Variants in AGPS observed in about 807,000 individuals in gnomAD.
The protein encoded by AGPS is alkyldihydroxyacetonephosphate synthase, peroxisomal.
AGPS carries 26 observed loss-of-function variants against 90.7 expected under a neutral mutation model. The ratio of observed to expected loss-of-function variants is 0.29; its 90% CI spans 0.21 to 0.40. AGPS has a LOEUF of 0.40. Ranked by LOEUF, AGPS falls within the 10% of genes least tolerant of loss-of-function variation. The pLI is 1.00. For missense variants in AGPS, 540 were observed against 816.1 expected (o/e 0.66, Z 4.12); for synonymous variants, 294 against 285.3 (o/e 1.03, Z -0.31).
Position 177,468,477 on chromosome 2 carries a change from G to A in AGPS, c.1058G>A (p.Arg353His), listed in dbSNP as rs779789989. The A allele has an allele frequency of 5.0e-6, 8 of 1,612,598 alleles. No individual in the cohort carries two copies. Among genetic ancestry groups the A allele is most frequent in the South Asian group, 1.1e-5 (1 of 91,010 alleles). Residue 353 changes from arginine to histidine, a missense_variant, in exon 10 of 20, where the codon CGT becomes CAT. Arg to His is a conservative substitution (Grantham distance 29). This residue lies in a region of AGPS where 405 missense variants were observed against 692.1 expected (regional missense o/e 0.59). Coordinates refer to ENST00000264167, the MANE Select transcript of AGPS (RefSeq NM_003659.4). ...GIIEKSCQGP[R>H]MSTGPDIHHF... ...ATAGAAAAAAGCTGTCAAGGACCTC[G>A]TATGTCAACAGGCCCTGATATCCAT...
intron 2 of AGPS, among the ~76,000 whole-genome samples, chr2:177,433,415 A>AT (rs1280278422): frequency 3.9e-5 from 6 of 151,966 alleles, no homozygotes; most frequent in Admixed American, 1.3e-4. Context: ...CTCTGCTAAG[A>AT]TTTTTTTTCT....
At chr2:177,493,316 A>ATG in intron 12 of AGPS, 117 bp downstream of exon 12, 1 of 904,746 alleles carries the variant, frequency 1.1e-6, no homozygotes, top group Admixed American at 1.9e-5. Flanking sequence ...TTTCAGGAAG[A>ATG]TGTCAGTCTA....
intron 2 of AGPS, among the ~76,000 whole-genome samples, chr2:177,433,774 GT>G (rs996467713): frequency 6.6e-6 from 1 of 151,162 alleles, no homozygotes; most frequent in Admixed American, 6.6e-5. Flanking sequence ...TGCCTGTCCA[GT>G]TTTTTTTTAA....
rs1687942937 is a variant in AGPS, at chr2:177,481,500, C to T, written c.1106-559C>T. Among the ~76,000 whole-genome samples, 2 of 150,982 alleles carry T rather than the reference C, an allele frequency of 1.3e-5. 1 individual carries two copies. Among genetic ancestry groups the T allele is most frequent in the African/African-American group, 4.9e-5 (2 of 41,136 alleles). On this transcript the variant is annotated intron_variant, in intron 10 of 19. Coordinates refer to ENST00000264167, the MANE Select transcript of AGPS (RefSeq NM_003659.4). ...ATATTTATAATGACTACTTTGTCTC[C>T]ATCTGGTATTTTTTGTTTCTTAAAA... is the stretch of plus-strand genomic sequence containing the variant.
intron 8 of AGPS, among the ~76,000 whole-genome samples, chr2:177,448,234 C>T (rs1402209753): frequency 6.6e-6 from 1 of 152,232 alleles, no homozygotes; most frequent in Non-Finnish European, 1.5e-5. Flanking sequence ...GTTTCTTTAC[C>T]TATAAAGTGG....
At chr2:177,519,558 ATAT>A (rs1689121500) in intron 17 of AGPS, among the ~76,000 whole-genome samples, 1 of 152,202 alleles carries the variant, frequency 6.6e-6, no homozygotes, top group African/African-American at 2.4e-5. Flanking sequence ...GTAGAAAAAA[ATAT>A]TATTGATATT....
At chr2:177,443,244 G>A (rs1686661982) in intron 7 of AGPS, among the ~76,000 whole-genome samples, 1 of 152,008 alleles carries the variant, frequency 6.6e-6, no homozygotes, top group African/African-American at 2.4e-5. Flanking sequence ...TTAAATTTTT[G>A]ATAAAAAGTG....
intron 1 of AGPS, 26 bp downstream of exon 1, chr2:177,393,075 T>C: frequency 1.3e-6 from 2 of 1,550,160 alleles, no homozygotes; most frequent in Non-Finnish European, 1.7e-6. Context: ...TGGAAGGAGT[T>C]AGCGTCGAGG....
chr2:177,426,145 T>G (rs1253983952), intron 2 of AGPS, among the ~76,000 whole-genome samples: 1 of 152,210 alleles, frequency 6.6e-6, no homozygotes, highest in Non-Finnish European at 1.5e-5. Flanking sequence ...TTTTATTCTC[T>G]TTGTAGCAAT....
intron 19 of AGPS, among the ~76,000 whole-genome samples, chr2:177,536,966 A>G (rs907679869): frequency 1.3e-5 from 2 of 152,156 alleles, no homozygotes; most frequent in Non-Finnish European, 2.9e-5. Context: ...CAGGCTGAAT[A>G]CTTTAATGAA....
At chr2:177,486,905 A>G (rs1688110462) in intron 11 of AGPS, among the ~76,000 whole-genome samples, 1 of 151,608 alleles carries the variant, frequency 6.6e-6, no homozygotes, top group Non-Finnish European at 1.5e-5. Flanking sequence ...GTGGAAGATT[A>G]ATGTGATTCT....
rs891932964 is a variant in AGPS, at chr2:177,430,077, T to C, written c.351-4250T>C. Among the ~76,000 whole-genome samples, 9 of 152,326 alleles carry C rather than the reference T, an allele frequency of 5.9e-5. No individual in the cohort carries two copies. The South Asian group carries it at 1.5e-3, about 25-fold the overall frequency. The stretch of plus-strand genomic sequence containing the variant: ...AAAAAAAAGCAGTCTGGCCACAATC[T>C]GGCATAGCAGCTGTGTTGCATTGTG... On this transcript the variant is annotated intron_variant, in intron 2 of 19. Coordinates refer to ENST00000264167, the MANE Select transcript of AGPS (RefSeq NM_003659.4).
At chr2:177,536,247 A>G (rs1038939907) in intron 19 of AGPS, among the ~76,000 whole-genome samples, 2 of 152,126 alleles carry the variant, frequency 1.3e-5, no homozygotes, top group African/African-American at 4.8e-5. Flanking sequence ...TTTCAGGACA[A>G]TTACATCCAT....
intron 10 of AGPS, among the ~76,000 whole-genome samples, chr2:177,471,017 A>G (rs996574679): frequency 3.3e-5 from 5 of 152,222 alleles, no homozygotes; most frequent in African/African-American, 1.2e-4. Context: ...AATTTAGTGT[A>G]GTAAATACTG....
At chr2:177,406,748 G>A (rs1373900124) in intron 1 of AGPS, among the ~76,000 whole-genome samples, 3 of 152,234 alleles carry the variant, frequency 2.0e-5, no homozygotes, top group Non-Finnish European at 2.9e-5. Flanking sequence ...GATTATTGAA[G>A]TAATAACAAT....
At chr2:177,432,464 G>A (rs1052435035) in intron 2 of AGPS, among the ~76,000 whole-genome samples, 19 of 152,282 alleles carry the variant, frequency 1.2e-4, no homozygotes, top group African/African-American at 4.6e-4. Context: ...ATTAAATGTT[G>A]CTGTAGCTTT....
At chr2:177,492,065 T>C (rs976771292) in intron 11 of AGPS, among the ~76,000 whole-genome samples, 4 of 152,150 alleles carry the variant, frequency 2.6e-5, no homozygotes, top group Admixed American at 1.3e-4. Flanking sequence ...GGATTGCAAG[T>C]GTGAGCCACT....
intron 9 of AGPS, among the ~76,000 whole-genome samples, chr2:177,462,742 T>G (rs1687337334): frequency 6.6e-6 from 1 of 152,168 alleles, no homozygotes; most frequent in Admixed American, 6.5e-5. Flanking sequence ...GTATTTACAT[T>G]GTATTATTCA....
At chr2:177,413,185 A>G (rs960688903) in intron 1 of AGPS, among the ~76,000 whole-genome samples, 1 of 152,194 alleles carries the variant, frequency 6.6e-6, no homozygotes, top group African/African-American at 2.4e-5. Flanking sequence ...CAACAAGAAT[A>G]CTGTGTACAT....
Sources: allele counts gnomAD v4.1 joint callset (sites outside exome capture counted in the v4.1 genomes callset), GRCh38; gene constraint gnomAD v4.1.1; regional missense constraint gnomAD v4.1.1; transcripts MANE v1.5; gene names NCBI Gene and HGNC (gene_info 2026-07-23, HGNC 2026-07-21).